PVT1: variants seen among roughly 807,000 people sequenced by gnomAD.
PVT1 encodes CXCR4/PVT1 fusion.
intron 3 of PVT1, among the ~76,000 whole-genome samples, chr8:127,938,619 A>G (rs1816307844): frequency 6.6e-6 from 1 of 152,238 alleles, no homozygotes; most frequent in African/African-American, 2.4e-5. Flanking sequence ...TAAGGTGTTT[A>G]AAGAAAAATG....
intron 4 of PVT1, among the ~76,000 whole-genome samples, chr8:128,002,216 C>G (rs1326792604): frequency 6.6e-6 from 1 of 152,196 alleles, no homozygotes; most frequent in African/African-American, 2.4e-5. Context: ...GCCTGAGTCT[C>G]ACATCCGCCC....
At chr8:128,094,951 A>T (rs889051579) in intron 5 of PVT1, among the ~76,000 whole-genome samples, 1 of 152,174 alleles carries the variant, frequency 6.6e-6, no homozygotes, top group African/African-American at 2.4e-5. Context: ...GTGGTTCCAG[A>T]TGTGGATGGG....
chr8:127,998,439 C>A (rs1225909460), intron 4 of PVT1: 1 of 152,054 alleles, frequency 6.6e-6, no homozygotes, highest in Non-Finnish European at 1.5e-5. Context: ...GGTTTTTCTT[C>A]CTTGGCTATT....
At chr8:127,922,969 A>T (rs1418379483) in intron 3 of PVT1, among the ~76,000 whole-genome samples, 2 of 152,262 alleles carry the variant, frequency 1.3e-5, no homozygotes, top group Non-Finnish European at 2.9e-5. Context: ...ACCTTGCTGT[A>T]TCAGCAAAAC....
chr8:128,073,934 G>A (rs1201418448), intron 5 of PVT1, among the ~76,000 whole-genome samples: 1 of 152,032 alleles, frequency 6.6e-6, no homozygotes, highest in South Asian at 2.1e-4. Context: ...TTCTCCAAGA[G>A]CTGATGGATG....
Position 127,966,550 on chromosome 8 carries a change from C to T in PVT1, n.783-22612C>T, listed in dbSNP as rs551938863. ...CCCTCTTCTCAGCAGCCAGATAAGG[C>T]CTTGGGAGCAGTGAAGAGCTTTCTG... On this transcript the variant is annotated intron_variant and non_coding_transcript_variant, in intron 3 of 10. Transcript: ENST00000651587. Among the ~76,000 whole-genome samples the T allele has an allele frequency of 8.5e-5, 13 of 152,290 alleles. No homozygotes were observed. In the East Asian group the frequency reaches 2.5e-3, roughly 29 times the overall value.
chr8:127,965,034 A>G (rs1055842399), intron 3 of PVT1, among the ~76,000 whole-genome samples: 1 of 152,134 alleles, frequency 6.6e-6, no homozygotes, highest in Non-Finnish European at 1.5e-5. Context: ...TCTAAGGGCA[A>G]TATCTTTTTT....
chr8:127,915,653 A>G (rs1203589587), intron 3 of PVT1, among the ~76,000 whole-genome samples: 4 of 150,538 alleles, frequency 2.7e-5, no homozygotes, highest in African/African-American at 7.4e-5. Context: ...TGTGGACACT[A>G]TGTCTGGCAC....
intron 2 of PVT1, among the ~76,000 whole-genome samples, chr8:127,807,295 TA>T (rs1273309595): frequency 6.6e-6 from 1 of 152,226 alleles, no homozygotes; most frequent in Non-Finnish European, 1.5e-5. Flanking sequence ...GGTCAAAGCC[TA>T]CTTTAACTTT....
intron 4 of PVT1, among the ~76,000 whole-genome samples, chr8:128,051,078 TCAACTC>T (rs1310561597): frequency 6.6e-6 from 1 of 152,244 alleles, no homozygotes; most frequent in Non-Finnish European, 1.5e-5. Flanking sequence ...GATTGAGTAT[TCAACTC>T]CAAGAGAATG....
At chr8:127,991,107 G>T (rs1240798463) in intron 4 of PVT1, among the ~76,000 whole-genome samples, 1 of 151,434 alleles carries the variant, frequency 6.6e-6, no homozygotes, top group Admixed American at 6.6e-5. Flanking sequence ...TCTTCCTTGG[G>T]AGCCCTACGT....
chr8:127,937,166 A>G (rs1816286205), intron 3 of PVT1, among the ~76,000 whole-genome samples: 1 of 152,234 alleles, frequency 6.6e-6, no homozygotes, highest in Non-Finnish European at 1.5e-5. Context: ...GTAAACTGCA[A>G]TTAATCTGAC....
At chr8:127,889,289 C>G (rs1171149302) in intron 2 of PVT1, among the ~76,000 whole-genome samples, 1 of 151,902 alleles carries the variant, frequency 6.6e-6, no homozygotes, top group Non-Finnish European at 1.5e-5. Context: ...ACCACCACAC[C>G]CAGCTAATTT....
chr8:127,949,379 CTGTGTGTG>C (rs61425056), intron 3 of PVT1, among the ~76,000 whole-genome samples: 71 of 111,316 alleles, frequency 6.4e-4, no homozygotes, highest in South Asian at 1.5e-3. Context: ...ACTCCAGGAG[CTGTGTGTG>C]TGTGTGTGTG....
At chr8:128,031,470 T>G (rs547166267) in intron 4 of PVT1, among the ~76,000 whole-genome samples, 1 of 152,184 alleles carries the variant, frequency 6.6e-6, no homozygotes, top group South Asian at 2.1e-4. Flanking sequence ...GCCTGCACGT[T>G]GCCAGGGCCC....
intron 2 of PVT1, among the ~76,000 whole-genome samples, chr8:127,805,962 T>C (rs946065666): frequency 6.6e-6 from 1 of 152,006 alleles, no homozygotes; most frequent in African/African-American, 2.4e-5. Flanking sequence ...TGACTACATA[T>C]TAAAGAAAAA....
intron 2 of PVT1, chr8:127,851,827 G>C (rs1227117854): frequency 1.3e-5 from 2 of 152,602 alleles, no homozygotes; most frequent in African/African-American, 4.8e-5. Flanking sequence ...TGGGGGCTCT[G>C]TGCTCTGTGG....
intron 5 of PVT1, among the ~76,000 whole-genome samples, chr8:128,075,762 A>G (rs1814079957): frequency 6.6e-6 from 1 of 152,170 alleles, no homozygotes; most frequent in Admixed American, 6.5e-5. Flanking sequence ...TAGCCACTCT[A>G]TTCTTTTTAA....
rs375990538 is a variant in PVT1 at position 128,015,771 on chromosome 8, CA to C, written n.912+26499del. 1.1e-3 allele frequency among the ~76,000 whole-genome samples: 103 copies of C among 95,886 alleles called. No homozygotes were observed. In the South Asian group the frequency reaches 0.022, roughly 20 times the overall value. 62.9% of individuals were successfully genotyped at this position (95,886 alleles called of 152,430 possible). A position where few individuals can be genotyped will look rare whatever the true frequency, so the allele number is the denominator to read the frequency against. ...CTGGTGACTGAGCAAGACTTTGTCT[CA>C]AAAAAAAAAAAAAAAAAAGGTTTGA... On this transcript the variant is annotated intron_variant and non_coding_transcript_variant, in intron 4 of 10. Transcript: ENST00000651587.
Sources: allele counts gnomAD v4.1 joint callset (sites outside exome capture counted in the v4.1 genomes callset), GRCh38; gene constraint gnomAD v4.1.1; transcripts MANE v1.5; gene names NCBI Gene and HGNC (gene_info 2026-07-23, HGNC 2026-07-21).